TAOK3: variants seen among roughly 807,000 people sequenced by gnomAD.
TAOK3 encodes serine/threonine-protein kinase TAO3.
A neutral mutation model predicts 120.4 loss-of-function variants in TAOK3; 40 were observed. The ratio of observed to expected loss-of-function variants is 0.33; its 90% CI spans 0.26 to 0.43. The LOEUF (loss-of-function observed/expected upper bound fraction) is 0.43. TAOK3 is among the 20% of genes least tolerant of loss of function. TAOK3 has a pLI of 1.00. For synonymous variants in TAOK3, 355 were observed against 387.5 expected (o/e 0.92, Z 0.99); for missense variants, 821 against 1,112.1 (o/e 0.74, Z 3.72).
rs2045915050 is a variant in TAOK3, at chr12:118,372,096, T to G, written c.-194+552A>C. Among the ~76,000 whole-genome samples, 1 of 151,260 alleles carries G rather than the reference T, an allele frequency of 6.6e-6. No individual in the cohort carries two copies. The highest frequency in any genetic ancestry group is 6.6e-5 in the Admixed American group (1 of 15,232). On this transcript the variant is annotated intron_variant, in intron 1 of 20. Transcript: ENST00000392533. The surrounding 1 kb of genome is among the most constrained non-coding windows in gnomAD (Gnocchi z 4.6). The stretch of plus-strand genomic sequence containing the variant: ...CCTCTGGGGATCCCCTGTCTTCACA[T>G]CCCCTGACCGGTCCCCTCTCTTTAC...
At chr12:118,289,576 T>C (rs1593426502) in intron 1 of TAOK3, among the ~76,000 whole-genome samples, 1 of 152,232 alleles carries the variant, frequency 6.6e-6, no homozygotes, top group South Asian at 2.1e-4. Flanking sequence ...CTTTCAACAA[T>C]ACTATCTCTA....
intron 3 of TAOK3, among the ~76,000 whole-genome samples, chr12:118,247,476 C>CATATATAT (rs780142969): frequency 0.088 from 13,193 of 150,498 alleles, 708 homozygotes; most frequent in Non-Finnish European, 0.13. Flanking sequence ...TCAAGATATA[C>CATATATAT]ATATATATAT....
chr12:118,362,317 TAAAA>T (rs10652375), intron 1 of TAOK3, among the ~76,000 whole-genome samples: 7 of 105,516 alleles, frequency 6.6e-5, no homozygotes, highest in Non-Finnish European at 1.2e-4. Context: ...GCTGATGGGC[TAAAA>T]AAAAAAAAAA....
At position 118,161,845 on chromosome 12, in the gene TAOK3, T is replaced by C. The variant is rs1438173669; in HGVS notation, c.2082A>G (p.Glu694=). The change falls in exon 18 of 21, where the codon GAA becomes GAG. Residue 694 remains glutamate (E), a synonymous_variant. Coordinates refer to ENST00000392533, the MANE Select transcript of TAOK3 (RefSeq NM_016281.4). This position sits in a 1 kb window ranked among gnomAD's most constrained non-coding sequence, Gnocchi z 4.5. ...TGACATGCTTTCTGTGCAGTTCTCT[T>C]TCTCGCCTCTTATTGTACTCCAGCT... ...ENQLEYNKRR[E]RELHRKHVME... is the part of the protein sequence containing the mutation. 1 of 1,614,176 alleles carries C rather than the reference T, an allele frequency of 6.2e-7. No homozygotes were observed. The highest frequency in any genetic ancestry group is 2.2e-5 in the East Asian group (1 of 44,872).
chr12:118,197,344 T>A (rs542763374), intron 13 of TAOK3, among the ~76,000 whole-genome samples: 2 of 152,338 alleles, frequency 1.3e-5, no homozygotes, highest in South Asian at 4.1e-4. Flanking sequence ...CTTCAGAATA[T>A]AAATTTTATC....
At chr12:118,288,918 A>C (rs1471394033) in intron 1 of TAOK3, among the ~76,000 whole-genome samples, 2 of 110,986 alleles carry the variant, frequency 1.8e-5, no homozygotes, top group Non-Finnish European at 4.1e-5. Flanking sequence ...TCTATCTCAA[A>C]AAAAAAAAAA....
intron 14 of TAOK3, among the ~76,000 whole-genome samples, chr12:118,181,991 C>G (rs2036756694): frequency 6.6e-6 from 1 of 152,154 alleles, no homozygotes; most frequent in African/African-American, 2.4e-5. Flanking sequence ...TGGAGACCAG[C>G]CTGGCCAACA....
At chr12:118,360,334 G>A (rs2045552219) in intron 1 of TAOK3, among the ~76,000 whole-genome samples, 1 of 151,732 alleles carries the variant, frequency 6.6e-6, no homozygotes, top group African/African-American at 2.4e-5. Flanking sequence ...TTGGGAGGCT[G>A]AGGCAGGCGG....
chr12:118,329,828 G>T (rs1398753755), intron 1 of TAOK3, among the ~76,000 whole-genome samples: 1 of 152,076 alleles, frequency 6.6e-6, no homozygotes. Context: ...CTTAAGATTT[G>T]CATAAAGATT....
intron 1 of TAOK3, among the ~76,000 whole-genome samples, chr12:118,360,611 T>C (rs573908357): frequency 1.4e-5 from 2 of 147,170 alleles, no homozygotes; most frequent in African/African-American, 2.5e-5. Context: ...ATTCAACAAA[T>C]GCTTACTAAT....
At chr12:118,329,643 T>G (rs1017195644) in intron 1 of TAOK3, among the ~76,000 whole-genome samples, 2 of 142,526 alleles carry the variant, frequency 1.4e-5, no homozygotes, top group Non-Finnish European at 3.3e-5. Flanking sequence ...TTCTATGACT[T>G]TGGTTTTTTC....
At chr12:118,297,284 G>C (rs1289140364) in intron 1 of TAOK3, 3 of 152,170 alleles carry the variant, frequency 2.0e-5, no homozygotes. Flanking sequence ...CAAATACAGA[G>C]ATATACTATG....
chr12:118,172,429 T>C (rs375247126), intron 17 of TAOK3, 28 bp downstream of exon 17: 5 of 1,606,374 alleles, frequency 3.1e-6, no homozygotes, highest in East Asian at 4.5e-5. Flanking sequence ...CCTATGTCAA[T>C]GACAATAGTT....
chr12:118,356,588 C>A (rs2045404232), intron 1 of TAOK3, among the ~76,000 whole-genome samples: 1 of 151,974 alleles, frequency 6.6e-6, no homozygotes, highest in East Asian at 1.9e-4. Context: ...GCGTCAGCAA[C>A]AATGCCCGGC....
At chr12:118,242,928 T>C (rs1262055977) in intron 5 of TAOK3, among the ~76,000 whole-genome samples, 3 of 149,456 alleles carry the variant, frequency 2.0e-5, no homozygotes, top group African/African-American at 7.3e-5. Context: ...TGTGTGTGCA[T>C]GTGTATATAT....
chr12:118,278,236 C>T (rs190126126), intron 1 of TAOK3, among the ~76,000 whole-genome samples: 1 of 152,162 alleles, frequency 6.6e-6, no homozygotes, highest in African/African-American at 2.4e-5. Flanking sequence ...ATTATTTCAC[C>T]ACCCAGGTAA....
intron 11 of TAOK3, among the ~76,000 whole-genome samples, chr12:118,207,847 G>A (rs1317096484): frequency 9.0e-5 from 8 of 89,308 alleles, no homozygotes; most frequent in Admixed American, 1.3e-4. Context: ...GCAACGGCGC[G>A]AGACTCTGTC....
chr12:118,269,808 T>C (rs2041626268), intron 1 of TAOK3, among the ~76,000 whole-genome samples: 1 of 152,224 alleles, frequency 6.6e-6, no homozygotes, highest in African/African-American at 2.4e-5. Context: ...TTGTTTGCTT[T>C]TCTGCTACAA....
chr12:118,231,142 G>A (rs1454375380), intron 9 of TAOK3, among the ~76,000 whole-genome samples: 1 of 152,156 alleles, frequency 6.6e-6, no homozygotes, highest in African/African-American at 2.4e-5. Flanking sequence ...TATAGGAAGT[G>A]TATATTCATG....
Sources: gnomAD v4.1 joint callset for allele counts (sites outside exome capture counted in the v4.1 genomes callset) on GRCh38, gnomAD v4.1.1 for gene constraint, Gnocchi (gnomAD v3.1) non-coding constraint, MANE v1.5 for transcripts, NCBI Gene and HGNC (gene_info 2026-07-23, HGNC 2026-07-21) for gene names.